The following TMEM50A variants were observed in gnomAD, a reference collection of about 807,000 sequenced individuals.
TMEM50A encodes the protein transmembrane protein 50A.
TMEM50A carries 8 observed loss-of-function variants against 23.9 expected under a neutral mutation model. The ratio of observed to expected loss-of-function variants is 0.33; its 90% CI spans 0.20 to 0.60. The LOEUF (loss-of-function observed/expected upper bound fraction) is 0.60. TMEM50A is among the 20% of genes least tolerant of loss of function. The probability of loss-of-function intolerance (pLI) is 0.81; values close to 1 mark genes in which losing one functional copy is unlikely to be tolerated. For missense variants in TMEM50A, 178 were observed against 192.7 expected, an observed-to-expected ratio of 0.92 and a Z score of 0.45; for synonymous variants, 55 against 60.4, an observed-to-expected ratio of 0.91 and a Z score of 0.41.
intron 3 of TMEM50A, among the ~76,000 whole-genome samples, chr1:25,345,494 C>T (rs1373841449): frequency 6.6e-6 from 1 of 152,088 alleles, no homozygotes. Flanking sequence ...GCAGGAGAAT[C>T]GCTTGAACCC....
chr1:25,356,473 C>T (rs1420974507), intron 5 of TMEM50A, among the ~76,000 whole-genome samples: 1 of 152,134 alleles, frequency 6.6e-6, no homozygotes, highest in South Asian at 2.1e-4. Flanking sequence ...ATTATTTTAT[C>T]TTCTTTTTAT....
intron 5 of TMEM50A, among the ~76,000 whole-genome samples, chr1:25,354,068 T>A (rs911143057): frequency 6.6e-6 from 1 of 152,140 alleles, no homozygotes; most frequent in African/African-American, 2.4e-5. Context: ...CTCAGCTTAC[T>A]GCAACCTCCA....
At chr1:25,350,140 T>C (rs1432484964) in intron 3 of TMEM50A, among the ~76,000 whole-genome samples, 1 of 152,240 alleles carries the variant, frequency 6.6e-6, no homozygotes, top group Non-Finnish European at 1.5e-5. Context: ...CAAAAAGTTA[T>C]TGTATTGTTT....
chr1:25,345,721 G>A (rs1645207744), intron 3 of TMEM50A, among the ~76,000 whole-genome samples: 1 of 151,906 alleles, frequency 6.6e-6, no homozygotes, highest in Non-Finnish European at 1.5e-5. Context: ...ACTCCAGCCT[G>A]GGCGACAGAG....
intron 3 of TMEM50A, among the ~76,000 whole-genome samples, chr1:25,344,142 G>A (rs775432833): frequency 4.6e-5 from 7 of 152,104 alleles, no homozygotes; most frequent in Non-Finnish European, 8.8e-5. Flanking sequence ...AGGCTGAGGC[G>A]GGAGGATTGC....
At position 25,342,947 on chromosome 1, in the gene TMEM50A, C is replaced by A. The variant is rs1351888370; in HGVS notation, c.94-14C>A. 2 of 1,602,832 alleles carry A rather than the reference C, an allele frequency of 1.2e-6. No individual in the cohort carries two copies. The highest frequency in any genetic ancestry group is 2.2e-5 in the East Asian group (1 of 44,698). The stretch of plus-strand genomic sequence containing the variant: ...AATTGCTATGATTTCTCATTGGTAT[C>A]ACCTTTGTTTTAGTTTTTTACAGGC... On this transcript the variant is annotated splice_polypyrimidine_tract_variant and intron_variant, in intron 2 of 6. Transcript: ENST00000374358.
In TMEM50A at chr1:25,351,725, A is replaced by C. The variant is rs552331090; in HGVS notation, c.274+32A>C. 37 of 1,581,458 alleles carry C rather than the reference A, an allele frequency of 2.3e-5. No individual in the cohort carries two copies. The Admixed American group carries it at 6.4e-4, about 28-fold the overall frequency. ...AGGTGCAAACAGCATCTTATTATAC[A>C]TGCTTAAATCCTTAAGATGAGTATT... On this transcript the variant is annotated intron_variant, in intron 4 of 6. Coordinates refer to ENST00000374358, the MANE Select transcript of TMEM50A (RefSeq NM_014313.4).
At chr1:25,347,563 T>A (rs542550337) in intron 3 of TMEM50A, among the ~76,000 whole-genome samples, 2 of 152,330 alleles carry the variant, frequency 1.3e-5, no homozygotes, top group Non-Finnish European at 2.9e-5. Flanking sequence ...ATTTAGGTTG[T>A]AGAGTCATCT....
chr1:25,347,812 C>G (rs1230426336), intron 3 of TMEM50A, among the ~76,000 whole-genome samples: 1 of 152,194 alleles, frequency 6.6e-6, no homozygotes, highest in Non-Finnish European at 1.5e-5. Context: ...CTTTGAAGTT[C>G]AGCCAGTATG....
intron 6 of TMEM50A, among the ~76,000 whole-genome samples, chr1:25,359,335 T>C (rs1645369575): frequency 6.6e-6 from 1 of 152,332 alleles, no homozygotes; most frequent in African/African-American, 2.4e-5. Context: ...TATCATTTTA[T>C]GCATACAGTT....
chr1:25,343,252 T>G (rs566000240), intron 3 of TMEM50A, among the ~76,000 whole-genome samples, 179 bp downstream of exon 3: 5 of 152,240 alleles, frequency 3.3e-5, no homozygotes, highest in Middle Eastern at 3.2e-3. Flanking sequence ...TTTATTCTTT[T>G]TGTGTACCTC....
intron 2 of TMEM50A, among the ~76,000 whole-genome samples, chr1:25,340,822 GT>G (rs1287858805): frequency 6.6e-6 from 1 of 152,138 alleles, no homozygotes; most frequent in Admixed American, 6.5e-5. Context: ...TAAAACATTT[GT>G]TCATTATATG....
intron 2 of TMEM50A, among the ~76,000 whole-genome samples, chr1:25,341,871 T>TG (rs1255590572): frequency 8.5e-6 from 1 of 117,014 alleles, no homozygotes; most frequent in Non-Finnish European, 2.1e-5. Context: ...ATTTTTGTTT[T>TG]TTTTTTTGTT....
rs146612060 is a variant in TMEM50A at position 25,359,226 on chromosome 1, T to C, written c.429-1434T>C. The stretch of plus-strand genomic sequence containing the variant: ...GTGGGTAATTTGCCACCCTTGGCAA[T>C]TGGCTTTCCAAAGCCTGGCTGTGTC... On this transcript the variant is annotated intron_variant, in intron 6 of 6. Coordinates refer to ENST00000374358, the MANE Select transcript of TMEM50A (RefSeq NM_014313.4). 2.1e-3 allele frequency among the ~76,000 whole-genome samples: 323 copies of C among 152,316 alleles called. 1 individual carries two copies. The highest frequency in any genetic ancestry group is 7.0e-3 in the African/African-American group (291 of 41,576).
At position 25,362,354 on chromosome 1, in the gene TMEM50A, TAAAC is replaced by T. The variant is rs1055405792; in HGVS notation, c.*1650_*1653del. On this transcript the variant is annotated 3_prime_UTR_variant, in exon 7 of 7. Coordinates refer to ENST00000374358, the MANE Select transcript of TMEM50A (RefSeq NM_014313.4). Reference sequence around the variant, plus strand: ...ATTTTAAACTTATTAAATTGACTCTTAAACTAAGTTTTTAGTCTTTAATTTTTTA... The same window carrying T: ...ATTTTAAACTTATTAAATTGACTCTTTAAGTTTTTAGTCTTTAATTTTTTA... 17 of 1,445,268 alleles carry T rather than the reference TAAAC, an allele frequency of 1.2e-5. No individual in the cohort carries two copies. The highest frequency in any genetic ancestry group is 1.8e-4 in the Middle Eastern group (1 of 5,652). The allele number at this position is 1,445,268 out of a possible 1,614,324, so 89.5% of individuals were successfully genotyped here. A position where few individuals can be genotyped will look rare whatever the true frequency, so the allele number is the denominator to read the frequency against.
rs549595029 is a variant in TMEM50A, at chr1:25,358,303, C to T, written c.428+1450C>T. 1.1e-4 allele frequency among the ~76,000 whole-genome samples: 17 copies of T among 152,242 alleles called. No individual in the cohort carries two copies. The South Asian group carries it at 3.1e-3, about 28-fold the overall frequency. ...CTTCTGAAGGTGAGGTATCACCAGA[C>T]ATTTCCATATGCAGGAAATTGGTGT... On this transcript the variant is annotated intron_variant, in intron 6 of 6. Transcript: ENST00000374358.
intron 6 of TMEM50A, among the ~76,000 whole-genome samples, chr1:25,358,175 C>T (rs569075666): frequency 6.0e-4 from 92 of 152,152 alleles, no homozygotes; most frequent in Middle Eastern, 3.4e-3. Context: ...TCTTGATCTC[C>T]TGACCTCGTG....
In TMEM50A at chr1:25,360,754, T is replaced by G; in HGVS notation, c.*49T>G. On this transcript the variant is annotated 3_prime_UTR_variant, in exon 7 of 7. Transcript: ENST00000374358. ...AACAGCCCTGCATGGGTTTGTTTGT[T>G]TTTTTACTGCTCACTCCCAACCTTT... 1 of 1,595,264 alleles carries G rather than the reference T, an allele frequency of 6.3e-7. No individual in the cohort carries two copies. Among genetic ancestry groups the G allele is most frequent in the African/African-American group, 1.3e-5 (1 of 74,620 alleles).
chr1:25,343,728 G>A (rs1369598669), intron 3 of TMEM50A, among the ~76,000 whole-genome samples: 2 of 152,162 alleles, frequency 1.3e-5, no homozygotes, highest in Non-Finnish European at 2.9e-5. Context: ...GTCTCACTAA[G>A]AAGGTGACTT....
Sources: gnomAD v4.1 joint callset for allele counts (sites outside exome capture counted in the v4.1 genomes callset) on GRCh38, gnomAD v4.1.1 for gene constraint, MANE v1.5 for transcripts, NCBI Gene and HGNC (gene_info 2026-07-23, HGNC 2026-07-21) for gene names.